Variants in PANK2 observed in about 807,000 individuals in gnomAD.
PANK2 encodes pantothenate kinase 2, mitochondrial.
A neutral mutation model predicts 43.1 loss-of-function variants in PANK2; 36 were observed. The ratio of observed to expected loss-of-function variants is 0.84; its 90% CI spans 0.64 to 1.10. PANK2 has a LOEUF of 1.10. PANK2 is among the 50% of genes least tolerant of loss of function. PANK2 has a pLI of 0.00. For synonymous variants in PANK2, 281 were observed against 238.2 expected (o/e 1.18, Z -1.66); for missense variants, 576 against 593.3 (o/e 0.97, Z 0.30).
upstream of PANK2, chr20:3,888,982 G>T: frequency 1.3e-6 from 1 of 769,458 alleles, no homozygotes; most frequent in Admixed American, 3.1e-5. Context: ...GGCTGGAGGA[G>T]GGCTCGAGCT....
intron 1 of PANK2, among the ~76,000 whole-genome samples, chr20:3,896,104 C>T (rs958156092): frequency 6.6e-6 from 1 of 151,738 alleles, no homozygotes; most frequent in Non-Finnish European, 1.5e-5. Flanking sequence ...CTCTGTCGCC[C>T]AGGCTGGAGT....
chr20:3,912,231 C>A (rs932270909), intron 3 of PANK2, among the ~76,000 whole-genome samples: 1 of 152,154 alleles, frequency 6.6e-6, no homozygotes, highest in African/African-American at 2.4e-5. Flanking sequence ...CCAGACTGCA[C>A]TGGGGACATG....
chr20:3,890,969 A>G (rs2090113693), intron 1 of PANK2, among the ~76,000 whole-genome samples: 2 of 152,242 alleles, frequency 1.3e-5, no homozygotes, highest in African/African-American at 4.8e-5. Flanking sequence ...GTTTTGTATT[A>G]CATCGTTGGA....
chr20:3,889,709 C>T lies in PANK2; in HGVS notation c.279C>T (p.Ser93=), dbSNP rs2090082674. 2.5e-6 allele frequency: 4 copies of T among 1,596,452 alleles called. No individual in the cohort carries two copies. The highest frequency in any genetic ancestry group is 3.4e-6 in the Non-Finnish European group (4 of 1,179,226). Residue 93 remains serine (S), a synonymous_variant, in exon 1 of 7, where the codon AGC becomes AGT. Transcript: ENST00000610179. ...CGGTCTCCCGCCAGCGCGTCGAAAG[C>T]CTGAGGAAAAAGCGGCCGCGTAAGT...
At chr20:3,917,098 T>C (rs1388673884) in intron 5 of PANK2, 48 bp downstream of exon 5, 1 of 1,610,684 alleles carries the variant, frequency 6.2e-7, no homozygotes, top group Admixed American at 1.7e-5. Flanking sequence ...AATACTGAAC[T>C]TAAGTGGGCC....
intron 2 of PANK2, 50 bp from the exon 3 acceptor site, chr20:3,910,527 G>C: frequency 1.9e-6 from 3 of 1,608,932 alleles, no homozygotes; most frequent in Non-Finnish European, 2.6e-6. Context: ...TGGAATTTTT[G>C]TTTCTGTTGG....
At chr20:3,898,676 G>A (rs2090250386) in intron 1 of PANK2, among the ~76,000 whole-genome samples, 1 of 152,016 alleles carries the variant, frequency 6.6e-6, no homozygotes, top group Non-Finnish European at 1.5e-5. Context: ...AAATTTCAAA[G>A]TAGATAGATT....
rs1266712652 is a variant in PANK2, at chr20:3,913,940, C to T, written c.1082+1306C>T. 2.0e-5 allele frequency among the ~76,000 whole-genome samples: 3 copies of T among 151,988 alleles called. No homozygotes were observed. In the East Asian group the frequency reaches 5.8e-4, roughly 29 times the overall value. ...AGTAGCTGGGACTACAGGTGCCTGCCACCACGCCCGGCTATTTTTTTTGTA... is the reference window on the plus strand; with the variant it reads ...AGTAGCTGGGACTACAGGTGCCTGCTACCACGCCCGGCTATTTTTTTTGTA... On this transcript the variant is annotated intron_variant, in intron 4 of 6. Coordinates refer to ENST00000610179, the MANE Select transcript of PANK2 (RefSeq NM_001386393.1).
Position 3,912,454 on chromosome 20 carries a change from A to G in PANK2, c.906-4A>G, listed in dbSNP as rs761546373. The G allele has an allele frequency of 6.2e-7, 1 of 1,613,930 alleles. No homozygotes were observed. On this transcript the variant is annotated splice_region_variant and splice_polypyrimidine_tract_variant and intron_variant, in intron 3 of 6. Transcript: ENST00000610179. ...AATACTGTGTTAATTGTTTTTAATC[A>G]TAGTCTTGGAGGAGGAACTTTTTTT... is the stretch of plus-strand genomic sequence containing the variant.
Position 3,925,740 on chromosome 20 carries a change from A to G in PANK2, c.*2446A>G, listed in dbSNP as rs1424869668. On this transcript the variant is annotated 3_prime_UTR_variant, in exon 7 of 7. Coordinates refer to ENST00000610179, the MANE Select transcript of PANK2 (RefSeq NM_001386393.1). ...TGGGTCTCCCCAAGCAGTCATTAGC[A>G]TCACCTTGACTGATTTCCAGGGAAC... 1 of 152,214 alleles carries G rather than the reference A, an allele frequency of 6.6e-6. No homozygotes were observed. The highest frequency in any genetic ancestry group is 2.4e-5 in the African/African-American group (1 of 41,420). The allele number at this position is 152,214 out of a possible 1,614,324, so 9.4% of individuals were successfully genotyped here. A position where few individuals can be genotyped will look rare whatever the true frequency, so the allele number is the denominator to read the frequency against.
chr20:3,900,083 C>T (rs2090277112), intron 1 of PANK2, among the ~76,000 whole-genome samples: 2 of 151,464 alleles, frequency 1.3e-5, no homozygotes, highest in Non-Finnish European at 1.5e-5. Flanking sequence ...GTTGTTTGGT[C>T]TGCTAGTATT....
chr20:3,889,179 C>G, upstream of PANK2: 1 of 1,609,748 alleles, frequency 6.2e-7, no homozygotes, highest in Non-Finnish European at 8.5e-7. Context: ...ACACCGCCTT[C>G]TCTTCCTCCG....
chr20:3,891,245 G>A (rs2090118383), intron 1 of PANK2: 1 of 151,998 alleles, frequency 6.6e-6, no homozygotes, highest in Non-Finnish European at 1.5e-5. Flanking sequence ...TTTAAATAGA[G>A]ATGGGATCTC....
chr20:3,908,928 G>C (rs1410771947), intron 2 of PANK2: 1 of 154,496 alleles, frequency 6.5e-6, no homozygotes, highest in African/African-American at 2.4e-5. Flanking sequence ...TTGAGGCTAG[G>C]TCCTTTCAGG....
In PANK2 at chr20:3,923,527, G is replaced by A. The variant is rs972778558; in HGVS notation, c.*233G>A. 1.4e-5 allele frequency: 8 copies of A among 580,864 alleles called. No individual in the cohort carries two copies. The highest frequency in any genetic ancestry group is 3.8e-5 in the African/African-American group (2 of 53,326). 36.0% of individuals were successfully genotyped at this position (580,864 alleles called of 1,614,324 possible). ...AAAGTGGCACATGTCCAGGCAGTGT[G>A]AGGATTTGCTGTATATAAGTTGCCT... On this transcript the variant is annotated 3_prime_UTR_variant, in exon 7 of 7. Transcript: ENST00000610179.
Position 3,908,018 on chromosome 20 carries a change from G to T in PANK2, c.391G>T (p.Glu131Ter). ...CATCACTGCTGAAGAAGAAGAGGAA[G>T]AAGTGGAAAGTCTTAAAAGCATTCG... The change falls in exon 2 of 7, where the codon GAA becomes TAA. Residue 131 changes from glutamate to a stop codon, truncating the protein, a stop_gained. Coordinates refer to ENST00000610179, the MANE Select transcript of PANK2 (RefSeq NM_001386393.1). LOFTEE classifies it high-confidence loss of function. 1 of 1,614,134 alleles carries T rather than the reference G, an allele frequency of 6.2e-7. No homozygotes were observed.
intron 6 of PANK2, among the ~76,000 whole-genome samples, chr20:3,922,196 T>C (rs937014142): frequency 1.2e-4 from 19 of 152,242 alleles, no homozygotes; most frequent in African/African-American, 4.6e-4. Context: ...GTTATTTCTT[T>C]TAAAAAGTAG....
chr20:3,922,856 C>T (rs1014405839), intron 6 of PANK2, among the ~76,000 whole-genome samples: 6 of 152,198 alleles, frequency 3.9e-5, no homozygotes, highest in Non-Finnish European at 8.8e-5. Context: ...CATCCGACCT[C>T]GCCTTCATTC....
At chr20:3,918,421 G>A (rs913193569) in intron 5 of PANK2, among the ~76,000 whole-genome samples, 7 of 151,634 alleles carry the variant, frequency 4.6e-5, no homozygotes, top group African/African-American at 1.7e-4. Context: ...ACTAGTTATT[G>A]TTGGTCAGAT....
Sources: gnomAD v4.1 joint callset for allele counts (sites outside exome capture counted in the v4.1 genomes callset) on GRCh38, gnomAD v4.1.1 for gene constraint, MANE v1.5 for transcripts, NCBI Gene and HGNC (gene_info 2026-07-23, HGNC 2026-07-21) for gene names.